Variants in NUDT5 observed in about 807,000 individuals in gnomAD.
The protein encoded by NUDT5 is ADP-sugar pyrophosphatase.
Under a neutral mutation model 34.1 loss-of-function variants are expected in NUDT5, and 21 were observed. The observed-to-expected ratio is 0.62, with a 90% CI of 0.44 to 0.89. The LOEUF is 0.89. Ranked by LOEUF, NUDT5 falls within the 40% of genes least tolerant of loss-of-function variation. The probability of loss-of-function intolerance (pLI) is 0.00; values close to 1 mark genes in which losing one functional copy is unlikely to be tolerated. For missense variants in NUDT5, 249 were observed against 274.8 expected, an observed-to-expected ratio of 0.91 and a Z score of 0.66; for synonymous variants, 85 against 97.6, an observed-to-expected ratio of 0.87 and a Z score of 0.76.
chr10:12,183,455 G>C (rs1389054754), intron 3 of NUDT5, among the ~76,000 whole-genome samples: 1 of 152,154 alleles, frequency 6.6e-6, no homozygotes, highest in African/African-American at 2.4e-5. Flanking sequence ...AATCACAGTT[G>C]TTCAGATGAC....
intron 7 of NUDT5, 153 bp downstream of exon 7, chr10:12,172,612 A>T (rs1834876732): frequency 1.6e-6 from 1 of 615,564 alleles, no homozygotes; most frequent in Non-Finnish European, 3.0e-6. Flanking sequence ...AAAATACATG[A>T]TTAGGAAGAG....
chr10:12,191,267 G>A (rs117651994), intron 1 of NUDT5, among the ~76,000 whole-genome samples: 7,612 of 151,994 alleles, frequency 0.05, 255 homozygotes, highest in Non-Finnish European at 0.077. Flanking sequence ...GCTGTAGTCC[G>A]GGCTACTCAG....
At chr10:12,194,584 A>G (rs1266876840) in intron 1 of NUDT5, among the ~76,000 whole-genome samples, 1 of 152,208 alleles carries the variant, frequency 6.6e-6, no homozygotes, top group Non-Finnish European at 1.5e-5. Flanking sequence ...ACTGCTTCCA[A>G]CTAGCCACTT....
chr10:12,189,811 G>T lies in NUDT5; in HGVS notation c.-41-3479C>A, dbSNP rs139970163. ...GATATAAATTTTATCCACTTCATTAGTTAGAATTTAAGGTAATTTGCATAT... is the reference window on the plus strand; with the variant it reads ...GATATAAATTTTATCCACTTCATTATTTAGAATTTAAGGTAATTTGCATAT... On this transcript the variant is annotated intron_variant, in intron 1 of 9. Coordinates refer to ENST00000491614, the MANE Select transcript of NUDT5 (RefSeq NM_014142.4). Among the ~76,000 whole-genome samples the T allele has an allele frequency of 1.8e-3, 275 of 152,114 alleles. 2 individuals are homozygous for T. Among genetic ancestry groups the T allele is most frequent in the African/African-American group, 6.3e-3 (260 of 41,478 alleles).
At chr10:12,188,616 A>G (rs1835166872) in intron 1 of NUDT5, among the ~76,000 whole-genome samples, 1 of 151,990 alleles carries the variant, frequency 6.6e-6, no homozygotes, top group African/African-American at 2.4e-5. Context: ...CTGTAGCCCC[A>G]ACTACAGGGA....
Position 12,173,703 on chromosome 10 carries a change from T to C in NUDT5, c.385+15A>G, listed in dbSNP as rs367714164. On this transcript the variant is annotated intron_variant, in intron 6 of 9. Coordinates refer to ENST00000491614, the MANE Select transcript of NUDT5 (RefSeq NM_014142.4). This position sits in a 1 kb window ranked among gnomAD's most constrained non-coding sequence, Gnocchi z 4.7. ...GAGGAATCCATCACTTGGTGAATTT[T>C]CAAGCAATACCAACCTGGAGAACAT... is the stretch of plus-strand genomic sequence containing the variant. 6.3e-7 allele frequency: 1 copy of C among 1,597,336 alleles called. No individual in the cohort carries two copies. Among genetic ancestry groups the C allele is most frequent in the African/African-American group, 1.3e-5 (1 of 74,612 alleles).
Position 12,176,737 on chromosome 10 carries a change from A to C in NUDT5, c.289+1056T>G, listed in dbSNP as rs530590922. On this transcript the variant is annotated intron_variant, in intron 5 of 9. Coordinates refer to ENST00000491614, the MANE Select transcript of NUDT5 (RefSeq NM_014142.4). ...TGGAGAGCTTTAATTACTGTGCAAGAAAAATATTCTAGTTGAAATGAAGAG... is the reference window on the plus strand; with the variant it reads ...TGGAGAGCTTTAATTACTGTGCAAGCAAAATATTCTAGTTGAAATGAAGAG... 4.6e-5 allele frequency among the ~76,000 whole-genome samples: 7 copies of C among 152,362 alleles called. No individual in the cohort carries two copies. The East Asian group carries it at 1.3e-3, about 29-fold the overall frequency.
At chr10:12,176,162 A>G (rs1354622691) in intron 5 of NUDT5, among the ~76,000 whole-genome samples, 1 of 151,600 alleles carries the variant, frequency 6.6e-6, no homozygotes, top group Non-Finnish European at 1.5e-5. Flanking sequence ...CTGCCATTGC[A>G]CTCCAGCCTG....
In NUDT5 at chr10:12,168,669, T is replaced by C. The variant is rs1834772143; in HGVS notation, c.551-858A>G. ...TTGTTTGGGAACAAGCCTGGGGACA[T>C]TTGCAGGCAGGAAGCATGTCCTACT... is the stretch of plus-strand genomic sequence containing the variant. On this transcript the variant is annotated intron_variant, in intron 9 of 9. Transcript: ENST00000491614. The surrounding 1 kb of genome is among the most constrained non-coding windows in gnomAD (Gnocchi z 4.8). 6.6e-6 allele frequency among the ~76,000 whole-genome samples: 1 copy of C among 152,138 alleles called. No homozygotes were observed. The highest frequency in any genetic ancestry group is 2.4e-5 in the African/African-American group (1 of 41,430).
intron 1 of NUDT5, among the ~76,000 whole-genome samples, chr10:12,188,396 T>C (rs181827634): frequency 2.0e-5 from 3 of 152,330 alleles, no homozygotes; most frequent in African/African-American, 7.2e-5. Flanking sequence ...GTAACCCTTG[T>C]GGCCAACCTG....
At chr10:12,174,849 T>A (rs1834923683) in intron 5 of NUDT5, among the ~76,000 whole-genome samples, 1 of 152,100 alleles carries the variant, frequency 6.6e-6, no homozygotes. Context: ...GCTGACAGCA[T>A]CACCTGTCTT....
chr10:12,174,370 G>A (rs931305984), intron 5 of NUDT5, among the ~76,000 whole-genome samples: 2 of 151,250 alleles, frequency 1.3e-5, no homozygotes, highest in African/African-American at 4.9e-5. Context: ...GGGTTTAAAC[G>A]ATTCTCCTGC....
intron 9 of NUDT5, 42 bp from the exon 10 acceptor site, chr10:12,167,853 G>A (rs1169106952): frequency 1.9e-6 from 3 of 1,609,914 alleles, no homozygotes; most frequent in Non-Finnish European, 2.5e-6. Flanking sequence ...TGCCGTTAAG[G>A]AAGGACAAAA....
At chr10:12,178,678 C>T (rs1588658324) in intron 4 of NUDT5, among the ~76,000 whole-genome samples, 1 of 152,196 alleles carries the variant, frequency 6.6e-6, no homozygotes, top group African/African-American at 2.4e-5. Flanking sequence ...CAATTAATTC[C>T]GTGTCCTCAT....
intron 6 of NUDT5, 64 bp from the exon 7 acceptor site, chr10:12,172,930 G>T: frequency 8.5e-7 from 1 of 1,170,566 alleles, no homozygotes; most frequent in South Asian, 1.3e-5. Context: ...TATGGTCTTA[G>T]GAAGAAGATG....
chr10:12,186,152 G>C, intron 2 of NUDT5, 77 bp downstream of exon 2: 1 of 1,113,588 alleles, frequency 9.0e-7, no homozygotes, highest in Admixed American at 1.9e-5. Context: ...GACCACCATT[G>C]TAACAACAGT....
chr10:12,186,470 C>T (rs1835131073), intron 1 of NUDT5, 138 bp from the exon 2 acceptor site: 3 of 602,458 alleles, frequency 5.0e-6, no homozygotes, highest in Admixed American at 6.0e-5. Context: ...TGTGAGGGAA[C>T]TGCCGCAGGT....
At chr10:12,194,056 T>C (rs1564429077) in intron 1 of NUDT5, among the ~76,000 whole-genome samples, 5 of 152,214 alleles carry the variant, frequency 3.3e-5, no homozygotes, top group Admixed American at 2.0e-4. Flanking sequence ...TTTGATATTT[T>C]AGTAGGGACG....
In NUDT5 at chr10:12,184,905, G is replaced by T; in HGVS notation, c.115C>A (p.Pro39Thr). 1 of 1,587,074 alleles carries T rather than the reference G, an allele frequency of 6.3e-7. No homozygotes were observed. The highest frequency in any genetic ancestry group is 8.6e-7 in the Non-Finnish European group (1 of 1,161,428). Reference protein sequence around the residue: ...VKLEKTTYMDPTGKTRTWESV... With the variant: ...VKLEKTTYMDTTGKTRTWESV... ...AAAGTTTACCTAGTTTTACCAGTAG[G>T]ATCCATGTACGTTGTTTTTTCAAGC... The change falls in exon 3 of 10, where the codon CCT (proline) becomes ACT (threonine). Residue 39 changes from proline to threonine, a missense_variant. Transcript: ENST00000491614.
Sources: gnomAD v4.1 joint callset for allele counts (sites outside exome capture counted in the v4.1 genomes callset) on GRCh38, gnomAD v4.1.1 for gene constraint, Gnocchi (gnomAD v3.1) non-coding constraint, MANE v1.5 for transcripts, NCBI Gene and HGNC (gene_info 2026-07-23, HGNC 2026-07-21) for gene names.